WWOX: variants seen among roughly 807,000 people sequenced by gnomAD.
WWOX encodes the protein WW domain containing oxidoreductase.
In WWOX, 69 loss-of-function variants were observed where a neutral mutation model predicts 46.2. The observed-to-expected ratio is 1.49, with a 90% CI of 1.23 to 1.82. The LOEUF (loss-of-function observed/expected upper bound fraction) is 1.82. Ranked by LOEUF, WWOX falls within the 40% of genes most tolerant of loss-of-function variation. WWOX has a pLI of 0.00. For missense variants in WWOX, 919 were observed against 542.6 expected, an observed-to-expected ratio of 1.69 and a Z score of -6.89; for synonymous variants, 359 against 202.6, an observed-to-expected ratio of 1.77 and a Z score of -6.56.
intron 4 of WWOX, among the ~76,000 whole-genome samples, chr16:78,140,327 C>A (rs986932905): frequency 6.6e-6 from 1 of 152,030 alleles, no homozygotes. Flanking sequence ...TAAATGAGTC[C>A]CAGTTTGATG....
intron 8 of WWOX, among the ~76,000 whole-genome samples, chr16:78,820,277 T>A (rs927268694): frequency 6.6e-6 from 1 of 152,192 alleles, no homozygotes; most frequent in African/African-American, 2.4e-5. Flanking sequence ...AGTACCAGAA[T>A]GTCCTTTCCA....
At chr16:78,220,053 T>A (rs2036840171) in intron 5 of WWOX, among the ~76,000 whole-genome samples, 1 of 152,242 alleles carries the variant, frequency 6.6e-6, no homozygotes, top group Non-Finnish European at 1.5e-5. Flanking sequence ...TAATTTAAAA[T>A]GGATTATCCC....
chr16:78,264,947 T>G, intron 5 of WWOX: 2 of 119,408 alleles, frequency 1.7e-5, no homozygotes, highest in Admixed American at 8.8e-5. Context: ...CTTTTTCCCC[T>G]CCCCTCCCCT....
intron 5 of WWOX, among the ~76,000 whole-genome samples, chr16:78,175,896 G>A (rs772460552): frequency 6.6e-6 from 1 of 152,254 alleles, no homozygotes. Flanking sequence ...GATAAGACAT[G>A]TATACTTACC....
intron 8 of WWOX, among the ~76,000 whole-genome samples, chr16:78,824,142 T>G (rs114356837): frequency 1.3e-5 from 2 of 152,232 alleles, no homozygotes; most frequent in African/African-American, 4.8e-5. Flanking sequence ...TTTAAAAATC[T>G]ATTTGATTTT....
At chr16:78,490,987 A>T (rs894286320) in intron 8 of WWOX, among the ~76,000 whole-genome samples, 8 of 152,266 alleles carry the variant, frequency 5.3e-5, no homozygotes, top group South Asian at 4.1e-4. Flanking sequence ...CCCCCGAGTG[A>T]CCGCTCCAGC....
intron 1 of WWOX, among the ~76,000 whole-genome samples, chr16:78,103,221 G>T (rs1329999541): frequency 1.3e-5 from 2 of 148,536 alleles, no homozygotes; most frequent in African/African-American, 2.5e-5. Context: ...TAAATCTCAA[G>T]CTGGCCTCTC....
chr16:79,126,172 G>A (rs2049749908), intron 8 of WWOX, among the ~76,000 whole-genome samples: 2 of 152,094 alleles, frequency 1.3e-5, no homozygotes, highest in South Asian at 4.1e-4. Flanking sequence ...GATGTGATGG[G>A]GAAAGAGGAT....
intron 8 of WWOX, among the ~76,000 whole-genome samples, chr16:78,853,180 G>C (rs1298019004): frequency 1.3e-5 from 2 of 152,096 alleles, no homozygotes; most frequent in African/African-American, 4.8e-5. Context: ...GTATAGCCAT[G>C]GCAAATGCAT....
At chr16:78,334,926 A>T (rs1399475115) in intron 5 of WWOX, among the ~76,000 whole-genome samples, 5 of 126,424 alleles carry the variant, frequency 4.0e-5, no homozygotes, top group African/African-American at 1.3e-4. Flanking sequence ...TCTTTTTTTA[A>T]AAAAAAAAAA....
intron 8 of WWOX, among the ~76,000 whole-genome samples, chr16:79,009,894 C>A (rs942124443): frequency 1.3e-5 from 2 of 152,160 alleles, no homozygotes; most frequent in Non-Finnish European, 2.9e-5. Flanking sequence ...CTGACCTGAG[C>A]TTTGGAACTT....
intron 8 of WWOX, among the ~76,000 whole-genome samples, chr16:78,669,969 C>T (rs1386614617): frequency 6.6e-6 from 1 of 152,118 alleles, no homozygotes; most frequent in Admixed American, 6.5e-5. Flanking sequence ...GCCTTTTCTC[C>T]CTTCATCCTC....
intron 8 of WWOX, among the ~76,000 whole-genome samples, chr16:78,798,337 C>T (rs759048605): frequency 8.5e-5 from 13 of 152,134 alleles, no homozygotes; most frequent in Admixed American, 2.0e-4. Flanking sequence ...AAAATCTTGC[C>T]TTTCCCTAGC....
intron 8 of WWOX, among the ~76,000 whole-genome samples, chr16:79,095,003 G>C (rs55822371): frequency 0.067 from 10,211 of 152,172 alleles, 459 homozygotes; most frequent in Middle Eastern, 0.11. Flanking sequence ...CATGGTTCTG[G>C]CTTATTTCTA....
At chr16:78,900,751 C>A (rs1160073500) in intron 8 of WWOX, among the ~76,000 whole-genome samples, 1 of 151,450 alleles carries the variant, frequency 6.6e-6, no homozygotes, top group African/African-American at 2.4e-5. Context: ...GTACCACTTT[C>A]AAGAATATTC....
intron 8 of WWOX, among the ~76,000 whole-genome samples, chr16:78,838,651 G>C (rs983489558): frequency 6.6e-6 from 1 of 152,164 alleles, no homozygotes; most frequent in Admixed American, 6.5e-5. Context: ...AGACCAGCCT[G>C]ACCAATATAG....
intron 8 of WWOX, among the ~76,000 whole-genome samples, chr16:79,123,636 G>T (rs928403346): frequency 2.6e-5 from 4 of 152,104 alleles, no homozygotes; most frequent in Non-Finnish European, 5.9e-5. Context: ...TGACCCCAAG[G>T]CTCCAGGCTT....
chr16:79,030,519 C>G (rs1408328925), intron 8 of WWOX, among the ~76,000 whole-genome samples: 1 of 152,204 alleles, frequency 6.6e-6, no homozygotes, highest in African/African-American at 2.4e-5. Flanking sequence ...GAGGCACTGA[C>G]ACCAGACCAG....
intron 8 of WWOX, among the ~76,000 whole-genome samples, chr16:78,554,842 G>A (rs952652967): frequency 6.6e-6 from 1 of 152,198 alleles, no homozygotes; most frequent in Admixed American, 6.5e-5. Context: ...TGGTGGCCCA[G>A]TGCTTTCTGA....
Sources: gnomAD v4.1 joint callset for allele counts (sites outside exome capture counted in the v4.1 genomes callset) on GRCh38, gnomAD v4.1.1 for gene constraint, MANE v1.5 for transcripts, NCBI Gene and HGNC (gene_info 2026-07-23, HGNC 2026-07-21) for gene names.